The following TJP3 variants were observed in gnomAD, a reference collection of about 807,000 sequenced individuals.
TJP3 encodes tight junction protein 3.
Under a neutral mutation model 104.2 loss-of-function variants are expected in TJP3, and 85 were observed. The observed-to-expected ratio is 0.82, with a 90% CI of 0.68 to 0.98. The LOEUF (loss-of-function observed/expected upper bound fraction) is 0.98, where lower values mean the gene tolerates loss of function less well. Ranked by LOEUF, TJP3 falls within the 50% of genes least tolerant of loss-of-function variation. The pLI is 0.00. For missense variants in TJP3, 1,367 were observed against 1,322.8 expected (o/e 1.03, Z -0.52); for synonymous variants, 550 against 550.6 (o/e 1.00, Z 0.02).
chr19:3,712,280 C>T (rs1345497318), intron 1 of TJP3, among the ~76,000 whole-genome samples: 1 of 152,222 alleles, frequency 6.6e-6, no homozygotes, highest in African/African-American at 2.4e-5. Context: ...CGCACCACTG[C>T]ACTCCAGCCC....
In TJP3 at chr19:3,735,591, A is replaced by T; in HGVS notation, c.1012A>T (p.Ser338Cys). The T allele has an allele frequency of 6.2e-7, 1 of 1,614,202 alleles. No individual in the cohort carries two copies. Among genetic ancestry groups the T allele is most frequent in the Non-Finnish European group, 8.5e-7 (1 of 1,180,032 alleles). The change falls in exon 9 of 21, where the codon AGT (serine) becomes TGT (cysteine). Residue 338 changes from serine to cysteine, a missense_variant. Transcript: ENST00000541714. ...PVESPRLRRE[S>C]SVDSRTISEP... is the part of the protein sequence containing the mutation. ...GGAGAGTCCCCGGCTTCGGCGGGAA[A>T]GTTCAGTAGATTCCAGAACCATCTC...
rs1300216118 is a variant in TJP3, at chr19:3,746,883, C to A, written c.2322+7C>A. 1 of 1,597,100 alleles carries A rather than the reference C, an allele frequency of 6.3e-7. No homozygotes were observed. ...CTGGACGGCGGAAGATCAGGTACTGCCGCGGTGTGGGTGGGTCGGGCAGGG... is the reference window on the plus strand; with the variant it reads ...CTGGACGGCGGAAGATCAGGTACTGACGCGGTGTGGGTGGGTCGGGCAGGG... On this transcript the variant is annotated splice_region_variant and intron_variant, in intron 18 of 20. Coordinates refer to ENST00000541714, the MANE Select transcript of TJP3 (RefSeq NM_001267560.2). This position sits in a 1 kb window ranked among gnomAD's most constrained non-coding sequence, Gnocchi z 4.1.
intron 11 of TJP3, among the ~76,000 whole-genome samples, chr19:3,736,653 G>A (rs1161409053): frequency 2.0e-5 from 3 of 151,958 alleles, no homozygotes; most frequent in Non-Finnish European, 4.4e-5. Context: ...TTGGCTCACC[G>A]CAACCTCTGC....
intron 1 of TJP3, among the ~76,000 whole-genome samples, chr19:3,714,432 C>G (rs1325408189): frequency 6.6e-6 from 1 of 150,846 alleles, no homozygotes. Context: ...CCCGCGTTGG[C>G]CTCCCAAAGT....
chr19:3,744,263 T>C (rs919423155), intron 15 of TJP3, among the ~76,000 whole-genome samples: 2 of 152,196 alleles, frequency 1.3e-5, no homozygotes, highest in South Asian at 4.1e-4. Flanking sequence ...CCATTGCCAA[T>C]TGAGGCAAAG....
rs961647996 is a variant in TJP3, at chr19:3,712,108, G to A, written c.-10+3547G>A. ...AGGCAGGTGGGTCACTTGAGCCCAGGAGTTTGAGACCAGCCTGGCAAACGT... is the reference window on the plus strand; with the variant it reads ...AGGCAGGTGGGTCACTTGAGCCCAGAAGTTTGAGACCAGCCTGGCAAACGT... On this transcript the variant is annotated intron_variant, in intron 1 of 20. Transcript: ENST00000541714. Among the ~76,000 whole-genome samples, 6 of 152,140 alleles carry A rather than the reference G, an allele frequency of 3.9e-5. No homozygotes were observed. The East Asian group carries it at 1.2e-3, about 29-fold the overall frequency.
At chr19:3,731,456 A>G (rs1223526516) in intron 5 of TJP3, among the ~76,000 whole-genome samples, 1 of 152,052 alleles carries the variant, frequency 6.6e-6, no homozygotes, top group Non-Finnish European at 1.5e-5. Flanking sequence ...ACTATGATGA[A>G]ACCCCATCTC....
chr19:3,735,861 C>T lies in TJP3; in HGVS notation c.1061-8C>T. 6.2e-7 allele frequency: 1 copy of T among 1,614,082 alleles called. No individual in the cohort carries two copies. Among genetic ancestry groups the T allele is most frequent in the Non-Finnish European group, 8.5e-7 (1 of 1,180,012 alleles). On this transcript the variant is annotated splice_region_variant and splice_polypyrimidine_tract_variant and intron_variant, in intron 9 of 20. Transcript: ENST00000541714. ...TGCTTGGGAAAGAGACTGGCTTTTC[C>T]CTTTCAGAGTTGCCCAGGGAAAGCA...
At chr19:3,747,680 G>A in intron 18 of TJP3, 114 bp from the exon 19 acceptor site, 2 of 1,317,708 alleles carry the variant, frequency 1.5e-6, no homozygotes, top group Non-Finnish European at 2.0e-6. Flanking sequence ...TGAGGCTCCA[G>A]GCTCCAGGCT....
In TJP3 at chr19:3,748,055, A is replaced by C; in HGVS notation, c.2584A>C (p.Arg862=). 1 of 1,582,358 alleles carries C rather than the reference A, an allele frequency of 6.3e-7. No individual in the cohort carries two copies. Among genetic ancestry groups the C allele is most frequent in the Non-Finnish European group, 8.6e-7 (1 of 1,164,392 alleles). The change falls in exon 19 of 21, where the codon AGA becomes CGA. Residue 862 remains arginine (R), a synonymous_variant. Coordinates refer to ENST00000541714, the MANE Select transcript of TJP3 (RefSeq NM_001267560.2). ...DESQSPRDRG[R]ISAHQGAQVD... is the part of the protein sequence containing the mutation. ...GTCCCAGAGCCCGAGGGATCGTGGG[A>C]GAATCTCGGCTCATCAGGGGGCCCA...
chr19:3,710,620 T>A (rs2036425093), intron 1 of TJP3, among the ~76,000 whole-genome samples: 1 of 152,080 alleles, frequency 6.6e-6, no homozygotes, highest in Non-Finnish European at 1.5e-5. Flanking sequence ...TTGCTCAGGG[T>A]GGAACCTGAC....
chr19:3,747,720 AG>A, intron 18 of TJP3, 73 bp from the exon 19 acceptor site: 1 of 1,444,246 alleles, frequency 6.9e-7, no homozygotes, highest in East Asian at 2.5e-5. Flanking sequence ...CAGAGTTTGA[AG>A]GTGGGGGGAT....
At chr19:3,719,805 C>G (rs2145669700) in intron 1 of TJP3, among the ~76,000 whole-genome samples, 1 of 151,794 alleles carries the variant, frequency 6.6e-6, no homozygotes, top group South Asian at 2.1e-4. Context: ...CGTTGAAATG[C>G]CTTCTACAAT....
At chr19:3,728,836 T>G in intron 3 of TJP3, 123 bp downstream of exon 3, 1 of 1,030,318 alleles carries the variant, frequency 9.7e-7, no homozygotes, top group Non-Finnish European at 1.4e-6. Flanking sequence ...GCGGATCACC[T>G]GAGTTCAGGA....
chr19:3,738,708 G>A, intron 12 of TJP3, 45 bp downstream of exon 12: 1 of 1,552,280 alleles, frequency 6.4e-7, no homozygotes, highest in Non-Finnish European at 8.9e-7. Flanking sequence ...TGCGGGGGGA[G>A]GACCTGGCTG....
intron 1 of TJP3, among the ~76,000 whole-genome samples, chr19:3,726,321 G>T (rs1275449650): frequency 2.0e-5 from 3 of 152,248 alleles, no homozygotes; most frequent in African/African-American, 7.2e-5. Flanking sequence ...GAATCTGCCT[G>T]GTGTGGAGGC....
chr19:3,734,294 C>T (rs1320453669), intron 7 of TJP3, 33 bp from the exon 8 acceptor site: 2 of 1,607,196 alleles, frequency 1.2e-6, no homozygotes, highest in East Asian at 4.5e-5. Context: ...GAAGGCGTGA[C>T]CATGGCTGAT....
chr19:3,726,935 A>C (rs1433931175), intron 1 of TJP3, among the ~76,000 whole-genome samples: 1 of 151,904 alleles, frequency 6.6e-6, no homozygotes, highest in Non-Finnish European at 1.5e-5. Context: ...ACAATAAAAA[A>C]AATTAGCCGG....
In TJP3 at chr19:3,738,696, G is replaced by A. The variant is rs199578299; in HGVS notation, c.1393+33G>A. 4,685 of 1,583,362 alleles carry A rather than the reference G, an allele frequency of 3.0e-3. 15 individuals carry two copies. Among genetic ancestry groups the A allele is most frequent in the Non-Finnish European group, 3.6e-3 (4,155 of 1,155,184 alleles). On this transcript the variant is annotated intron_variant, in intron 12 of 20. Transcript: ENST00000541714. ...CGCGTGGATATGGGTGTGCCTGTGT[G>A]TTGCGGGGGGAGGACCTGGCTGTGT...
Sources: allele counts gnomAD v4.1 joint callset (sites outside exome capture counted in the v4.1 genomes callset), GRCh38; gene constraint gnomAD v4.1.1; non-coding constraint Gnocchi (gnomAD v3.1); transcripts MANE v1.5; gene names NCBI Gene and HGNC (gene_info 2026-07-23, HGNC 2026-07-21).